PCDHGA5: variants seen among roughly 807,000 people sequenced by gnomAD.
The protein encoded by PCDHGA5 is protocadherin gamma-A5.
PCDHGA5 carries 36 observed loss-of-function variants against 56.7 expected under a neutral mutation model. The ratio of observed to expected loss-of-function variants is 0.64; its 90% CI spans 0.49 to 0.84. The LOEUF is 0.84. Ranked by LOEUF, PCDHGA5 falls within the 40% of genes least tolerant of loss-of-function variation. PCDHGA5 has a pLI of 0.00. For missense variants in PCDHGA5, 1,305 were observed against 1,201.5 expected, an observed-to-expected ratio of 1.09 and a Z score of -1.27; for synonymous variants, 563 against 520.2, an observed-to-expected ratio of 1.08 and a Z score of -1.12.
At chr5:141,466,974 C>G (rs1314224956) in intron 1 of PCDHGA5, among the ~76,000 whole-genome samples, 1 of 151,944 alleles carries the variant, frequency 6.6e-6, no homozygotes, top group Non-Finnish European at 1.5e-5. Context: ...TCTCACAGCT[C>G]ATCATTTACC....
chr5:141,471,786 A>AT (rs531568169), intron 1 of PCDHGA5, among the ~76,000 whole-genome samples: 23 of 152,362 alleles, frequency 1.5e-4, no homozygotes, highest in African/African-American at 5.5e-4. Flanking sequence ...ACATTATGCT[A>AT]TGTCATATAA....
At chr5:141,508,737 C>G (rs919094477) in intron 3 of PCDHGA5, among the ~76,000 whole-genome samples, 2 of 152,010 alleles carry the variant, frequency 1.3e-5, no homozygotes, top group Non-Finnish European at 2.9e-5. Flanking sequence ...CTACACCCCC[C>G]ACCCCGCTCT....
At chr5:141,374,730 A>G (rs1770785005) in intron 1 of PCDHGA5, 1 of 1,610,644 alleles carries the variant, frequency 6.2e-7, no homozygotes, top group South Asian at 1.1e-5. Context: ...ACTGCCATGG[A>G]TGGCGGCGAC....
chr5:141,422,655 C>T (rs188587553), intron 1 of PCDHGA5: 2 of 1,610,120 alleles, frequency 1.2e-6, no homozygotes, highest in Admixed American at 3.3e-5. Flanking sequence ...TCTCAGTGAC[C>T]GCCCTCGACC....
intron 1 of PCDHGA5, chr5:141,417,617 A>G (rs576281946): frequency 9.3e-6 from 6 of 646,206 alleles, no homozygotes; most frequent in African/African-American, 1.8e-5. Flanking sequence ...GCCAGTGCAG[A>G]GCAAGCGCTG....
Position 141,490,575 on chromosome 5 carries a change from A to G in PCDHGA5, c.2422-4232A>G. 2 of 1,614,140 alleles carry G rather than the reference A, an allele frequency of 1.2e-6. No individual in the cohort carries two copies. The highest frequency in any genetic ancestry group is 2.2e-5 in the East Asian group (1 of 44,876). Reference sequence around the variant, plus strand: ...ATCTCACCATCAGGCTCAACATTTCAGATGTCAATGACAATGCACCCCGCT... The same window carrying G: ...ATCTCACCATCAGGCTCAACATTTCGGATGTCAATGACAATGCACCCCGCT... On this transcript the variant is annotated intron_variant, in intron 1 of 3. Transcript: ENST00000518069. This position sits in a 1 kb window ranked among gnomAD's most constrained non-coding sequence, Gnocchi z 5.4.
rs760680204 is a variant in PCDHGA5, at chr5:141,477,505, CG to C, written c.2422-17301del. ...CACAATCTTCTCAATCTTCCTACGA[CG>C]TTTACATTGAAGAAAACAACCTCCC... On this transcript the variant is annotated intron_variant, in intron 1 of 3. Coordinates refer to ENST00000518069, the MANE Select transcript of PCDHGA5 (RefSeq NM_018918.3). The surrounding 1 kb of genome is among the most constrained non-coding windows in gnomAD (Gnocchi z 4.9). The C allele has an allele frequency of 1.2e-5, 19 of 1,614,008 alleles. No individual in the cohort carries two copies. The highest frequency in any genetic ancestry group is 8.5e-7 in the Non-Finnish European group (1 of 1,180,018).
intron 1 of PCDHGA5, among the ~76,000 whole-genome samples, chr5:141,434,703 G>C (rs1198306104): frequency 6.6e-6 from 1 of 151,730 alleles, no homozygotes; most frequent in Non-Finnish European, 1.5e-5. Context: ...TAAATATGTG[G>C]GTAAATCTCT....
At position 141,490,840 on chromosome 5, in the gene PCDHGA5, G is replaced by C. The variant is rs1177428192; in HGVS notation, c.2422-3967G>C. On this transcript the variant is annotated intron_variant, in intron 1 of 3. Transcript: ENST00000518069. This position sits in a 1 kb window ranked among gnomAD's most constrained non-coding sequence, Gnocchi z 5.4. Reference sequence around the variant, plus strand: ...ATTGCTGCAGATGCTGCAGATTGTGGTGGGGGTTCGAGACTCCGGCTCTCC... The same window carrying C: ...ATTGCTGCAGATGCTGCAGATTGTGCTGGGGGTTCGAGACTCCGGCTCTCC... 2 of 1,613,900 alleles carry C rather than the reference G, an allele frequency of 1.2e-6. No homozygotes were observed. Among genetic ancestry groups the C allele is most frequent in the Middle Eastern group, 3.3e-4 (2 of 6,058 alleles).
At position 141,431,639 on chromosome 5, in the gene PCDHGA5, C is replaced by T; in HGVS notation, c.2422-63168C>T. 1 of 1,614,262 alleles carries T rather than the reference C, an allele frequency of 6.2e-7. No homozygotes were observed. The highest frequency in any genetic ancestry group is 8.5e-7 in the Non-Finnish European group (1 of 1,180,046). On this transcript the variant is annotated intron_variant, in intron 1 of 3. Transcript: ENST00000518069. This position sits in a 1 kb window ranked among gnomAD's most constrained non-coding sequence, Gnocchi z 4.8. Reference sequence around the variant, plus strand: ...CGACAAGGCGGCCCAAGTTTTCAAACTAGATTGTAATTCAGGGACAATATC... The same window carrying T: ...CGACAAGGCGGCCCAAGTTTTCAAATTAGATTGTAATTCAGGGACAATATC...
At chr5:141,371,264 A>C in intron 1 of PCDHGA5, 1 of 1,614,064 alleles carries the variant, frequency 6.2e-7, no homozygotes, top group South Asian at 1.1e-5. Context: ...AAGTGAGACA[A>C]CTGTTCAAGC....
At chr5:141,418,742 G>T (rs1351760637) in intron 1 of PCDHGA5, 6 of 1,613,778 alleles carry the variant, frequency 3.7e-6, no homozygotes, top group South Asian at 1.1e-5. Context: ...GTTCTCTCTG[G>T]ATTACACTAC....
At chr5:141,460,231 G>A (rs911633731) in intron 1 of PCDHGA5, among the ~76,000 whole-genome samples, 3 of 152,028 alleles carry the variant, frequency 2.0e-5, no homozygotes, top group Non-Finnish European at 4.4e-5. Context: ...CTTTTGAAGA[G>A]CAGAAGATGT....
At chr5:141,452,839 C>A (rs939513310) in intron 1 of PCDHGA5, among the ~76,000 whole-genome samples, 2 of 152,092 alleles carry the variant, frequency 1.3e-5, no homozygotes, top group Non-Finnish European at 2.9e-5. Flanking sequence ...TTGGTCCAGC[C>A]CACACTCTGG....
In PCDHGA5 at chr5:141,505,574, CCT is replaced by C. The variant is rs562555098; in HGVS notation, c.2569+94_2569+95del. 5.3e-5 allele frequency: 85 copies of C among 1,593,636 alleles called. No individual in the cohort carries two copies. The African/African-American group carries it at 1.0e-3, about 20-fold the overall frequency. On this transcript the variant is annotated intron_variant, in intron 3 of 3. Coordinates refer to ENST00000518069, the MANE Select transcript of PCDHGA5 (RefSeq NM_018918.3). ...CCATGCCCACGGACTGGATGTCAAACCTGTGTAGTTTCTCCAGATCTTTCGGC... is the reference window on the plus strand; with the variant it reads ...CCATGCCCACGGACTGGATGTCAAACGTGTAGTTTCTCCAGATCTTTCGGC...
intron 1 of PCDHGA5, chr5:141,419,816 C>A (rs910172118): frequency 7.4e-6 from 12 of 1,613,940 alleles, no homozygotes; most frequent in Non-Finnish European, 1.0e-5. Context: ...AGGACAGCCA[C>A]CCCTTTCAGC....
In PCDHGA5 at chr5:141,486,675, A is replaced by T; in HGVS notation, c.2422-8132A>T. On this transcript the variant is annotated intron_variant, in intron 1 of 3. Coordinates refer to ENST00000518069, the MANE Select transcript of PCDHGA5 (RefSeq NM_018918.3). The surrounding 1 kb of genome is among the most constrained non-coding windows in gnomAD (Gnocchi z 5.0). ...TCACTCCTGGAGCCCAGGAATCGAGATGTATCAGCTTCCTCTTTCATCTCT... is the reference window on the plus strand; with the variant it reads ...TCACTCCTGGAGCCCAGGAATCGAGTTGTATCAGCTTCCTCTTTCATCTCT... The T allele has an allele frequency of 6.2e-7, 1 of 1,614,056 alleles. No individual in the cohort carries two copies. The highest frequency in any genetic ancestry group is 8.5e-7 in the Non-Finnish European group (1 of 1,180,016).
chr5:141,374,657 CCGGAGCTGGTGCTGG>C (rs780169875), intron 1 of PCDHGA5: 1 of 1,612,018 alleles, frequency 6.2e-7, no homozygotes, highest in Admixed American at 1.7e-5. Context: ...GCCCAAGTAC[CCGGAGCTGGTGCTGG>C]AGGGCACACT....
At chr5:141,374,350 G>C (rs2150038987) in intron 1 of PCDHGA5, 1 of 1,614,038 alleles carries the variant, frequency 6.2e-7, no homozygotes, top group Non-Finnish European at 8.5e-7. Context: ...CCGCGGGTAG[G>C]ATAGACCGCG....
Sources: gnomAD v4.1 joint callset for allele counts (sites outside exome capture counted in the v4.1 genomes callset) on GRCh38, gnomAD v4.1.1 for gene constraint, Gnocchi (gnomAD v3.1) non-coding constraint, MANE v1.5 for transcripts, NCBI Gene and HGNC (gene_info 2026-07-23, HGNC 2026-07-21) for gene names.